RTCB: variants seen among roughly 807,000 people sequenced by gnomAD.
The protein encoded by RTCB is RNA-splicing ligase RTCB.
In RTCB, 32 loss-of-function variants were observed where a neutral mutation model predicts 58.2. That is an observed-to-expected ratio of 0.55 (90% CI 0.41 to 0.74). RTCB has a LOEUF of 0.74. RTCB is among the 30% of genes least tolerant of loss of function. RTCB has a pLI of 0.00. For synonymous variants in RTCB, 247 were observed against 218.6 expected, an observed-to-expected ratio of 1.13 and a Z score of -1.15; for missense variants, 523 against 639.0, an observed-to-expected ratio of 0.82 and a Z score of 1.96.
chr22:32,393,517 G>C (rs887176934), intron 10 of RTCB, among the ~76,000 whole-genome samples: 1 of 152,150 alleles, frequency 6.6e-6, no homozygotes, highest in African/African-American at 2.4e-5. Flanking sequence ...CAATAGGAAG[G>C]GGCAAATTAA....
At chr22:32,394,838 C>G (rs1012446084) in intron 9 of RTCB, among the ~76,000 whole-genome samples, 188 bp downstream of exon 9, 1 of 152,120 alleles carries the variant, frequency 6.6e-6, no homozygotes. Context: ...TAGCACACGG[C>G]ACCACCGCAA....
chr22:32,388,687 GCCA>G (rs1378954065), intron 11 of RTCB, among the ~76,000 whole-genome samples: 3 of 152,094 alleles, frequency 2.0e-5, no homozygotes, highest in Non-Finnish European at 4.4e-5. Flanking sequence ...ACACAGCCTT[GCCA>G]CCATTAGCAC....
In RTCB at chr22:32,412,239, T is replaced by C; in HGVS notation, c.-83A>G. On this transcript the variant is annotated 5_prime_UTR_variant, in exon 1 of 12. Transcript: ENST00000216038. ...AGTCCGGCTTCTCAGAGCACCGCCT[T>C]CCAAGAACCAAAGCGCAGGCGCGAC... The C allele has an allele frequency of 8.3e-7, 1 of 1,209,580 alleles. No homozygotes were observed. The allele number at this position is 1,209,580 out of a possible 1,614,324, so 74.9% of individuals were successfully genotyped here.
At chr22:32,408,289 T>C (rs760430293) in intron 2 of RTCB, 47 bp from the exon 3 acceptor site, 1 of 1,458,316 alleles carries the variant, frequency 6.9e-7, no homozygotes, top group South Asian at 1.1e-5. Context: ...ACTTGATTTT[T>C]AGCATGAATT....
chr22:32,395,200 G>C lies in RTCB; in HGVS notation c.1005C>G (p.Val335=). The C allele has an allele frequency of 1.2e-6, 2 of 1,614,146 alleles. No individual in the cohort carries two copies. Among genetic ancestry groups the C allele is most frequent in the Non-Finnish European group, 1.7e-6 (2 of 1,179,978 alleles). ...CCAAGTCATCAGGGGTTGTGTTGAA[G>C]ACCTTGGCGAAAGCCTAGGAGAAAA... ...TFLTRQAFAK[V]FNTTPDDLDL... is the part of the protein sequence containing the mutation. Residue 335 remains valine, a synonymous_variant, in exon 9 of 12, where the codon GTC becomes GTG. Transcript: ENST00000216038.
In RTCB at chr22:32,395,022, G is replaced by A. The variant is rs558696437; in HGVS notation, c.1179+4C>T. ...CTTAAAACTACAAACGTAGAGCTACGTACTTGGTAATCAACAGCAATGAGG... is the reference window on the plus strand; with the variant it reads ...CTTAAAACTACAAACGTAGAGCTACATACTTGGTAATCAACAGCAATGAGG... On this transcript the variant is annotated splice_donor_region_variant and intron_variant, in intron 9 of 11. Coordinates refer to ENST00000216038, the MANE Select transcript of RTCB (RefSeq NM_014306.5). 4.3e-6 allele frequency: 7 copies of A among 1,611,284 alleles called. No individual in the cohort carries two copies. The highest frequency in any genetic ancestry group is 3.3e-5 in the South Asian group (3 of 90,858).
Position 32,387,744 on chromosome 22 carries a change from G to C in RTCB, c.*248C>G, listed in dbSNP as rs989786824. ...CTAACAGATTTTCCTAAAACTCTGT[G>C]GAACAACCAAGGAGAAGGCATATTC... On this transcript the variant is annotated 3_prime_UTR_variant, in exon 12 of 12. Transcript: ENST00000216038. The C allele has an allele frequency of 9.5e-6, 4 of 420,866 alleles. No individual in the cohort carries two copies. Among genetic ancestry groups the C allele is most frequent in the Non-Finnish European group, 1.7e-5 (4 of 229,938 alleles). The allele number at this position is 420,866 out of a possible 1,614,324, so 26.1% of individuals were successfully genotyped here. A position where few individuals can be genotyped will look rare whatever the true frequency, so the allele number is the denominator to read the frequency against.
chr22:32,406,909 G>A, intron 3 of RTCB, 148 bp from the exon 4 acceptor site: 1 of 552,260 alleles, frequency 1.8e-6, no homozygotes, highest in Non-Finnish European at 3.3e-6. Flanking sequence ...CTATATGCAT[G>A]GAAATAGTAA....
In RTCB at chr22:32,396,103, G is replaced by A. The variant is rs533452800; in HGVS notation, c.961C>T (p.Arg321Cys). 1.5e-5 allele frequency: 25 copies of A among 1,614,012 alleles called. No individual in the cohort carries two copies. Among genetic ancestry groups the A allele is most frequent in the Non-Finnish European group, 1.9e-5 (23 of 1,180,008 alleles). The change falls in exon 8 of 12, where the codon CGC (arginine) becomes TGC (cysteine). Residue 321 changes from arginine (R) to cysteine (C), a missense_variant. Physicochemically the swap from Arg to Cys is radical, Grantham distance 180 (BLOSUM62 -3). Around this residue, in one of 3 missense-constraint regions of RTCB, gnomAD observed 248 missense variants for 292.5 expected, o/e 0.85. Coordinates refer to ENST00000216038, the MANE Select transcript of RTCB (RefSeq NM_014306.5). ...CGGGTTAAGAAGGTCATGGAAGAGCGGTTGACCCAGGCATAGTTCCCAGCA... is the reference window on the plus strand; with the variant it reads ...CGGGTTAAGAAGGTCATGGAAGAGCAGTTGACCCAGGCATAGTTCCCAGCA... ...AAAGNYAWVN[R>C]SSMTFLTRQA...
Position 32,401,912 on chromosome 22 carries a change from T to TA in RTCB, c.341-10dup. ...GTCAAACCCGACACCACCTACAAAATAGAGAAAAGTTAGCAAAACCAGCTG... is the reference window on the plus strand; with the variant it reads ...GTCAAACCCGACACCACCTACAAAATAAGAGAAAAGTTAGCAAAACCAGCTG... On this transcript the variant is annotated splice_polypyrimidine_tract_variant and intron_variant, in intron 4 of 11. Coordinates refer to ENST00000216038, the MANE Select transcript of RTCB (RefSeq NM_014306.5). 2 of 1,612,280 alleles carry TA rather than the reference T, an allele frequency of 1.2e-6. No individual in the cohort carries two copies. The highest frequency in any genetic ancestry group is 1.7e-6 in the Non-Finnish European group (2 of 1,178,546).
At chr22:32,390,157 T>C (rs1379526876) in intron 11 of RTCB, among the ~76,000 whole-genome samples, 1 of 152,230 alleles carries the variant, frequency 6.6e-6, no homozygotes, top group East Asian at 1.9e-4. Context: ...CTGCTTTTTA[T>C]TTCATAGAAC....
chr22:32,403,074 C>T (rs1325279773), intron 4 of RTCB, among the ~76,000 whole-genome samples: 1 of 152,076 alleles, frequency 6.6e-6, no homozygotes, highest in Non-Finnish European at 1.5e-5. Context: ...ATTTTCTCCT[C>T]AGCTTGAGAG....
intron 1 of RTCB, among the ~76,000 whole-genome samples, chr22:32,409,064 T>C (rs1427543573): frequency 6.6e-6 from 1 of 152,228 alleles, no homozygotes; most frequent in Non-Finnish European, 1.5e-5. Flanking sequence ...TTTATTCTCA[T>C]ACCCTCAAAA....
intron 1 of RTCB, among the ~76,000 whole-genome samples, chr22:32,409,199 A>AT (rs1035139010): frequency 1.2e-5 from 1 of 80,542 alleles, no homozygotes; most frequent in Non-Finnish European, 2.5e-5. Flanking sequence ...TTTTTTGAAA[A>AT]TTAAAAAAAA....
chr22:32,390,412 T>A (rs1255217019), intron 11 of RTCB, among the ~76,000 whole-genome samples: 1 of 152,152 alleles, frequency 6.6e-6, no homozygotes. Flanking sequence ...GCTGATTGAA[T>A]TCTAAATGTT....
Position 32,399,552 on chromosome 22 carries a change from A to C in RTCB, c.654+51T>G, listed in dbSNP as rs764186747. The stretch of plus-strand genomic sequence containing the variant: ...GATATAGATTTTTTTCCCCCAATAA[A>C]AACAAAATATGAAAAAAAAATTAAC... On this transcript the variant is annotated intron_variant, in intron 6 of 11. Coordinates refer to ENST00000216038, the MANE Select transcript of RTCB (RefSeq NM_014306.5). 7 of 1,529,270 alleles carry C rather than the reference A, an allele frequency of 4.6e-6. No individual in the cohort carries two copies. The East Asian group carries it at 1.4e-4, about 30-fold the overall frequency. The allele number at this position is 1,529,270 out of a possible 1,614,324, so 94.7% of individuals were successfully genotyped here. A position where few individuals can be genotyped will look rare whatever the true frequency, so the allele number is the denominator to read the frequency against.
rs1368182851 is a variant in RTCB, at chr22:32,396,176, A to C, written c.888T>G (p.Ala296=). The change falls in exon 8 of 12, where the codon GCT becomes GCG. Residue 296 remains alanine (A), a synonymous_variant. Coordinates refer to ENST00000216038, the MANE Select transcript of RTCB (RefSeq NM_014306.5). Reference sequence around the variant, plus strand: ...CTTGACCCTCTGGGGAAGCGATTCGAGCACAAGCCAACTGCCGATCATTGA... The same window carrying C: ...CTTGACCCTCTGGGGAAGCGATTCGCGCACAAGCCAACTGCCGATCATTGA... ...IIVNDRQLAC[A]RIASPEGQDY... 6.2e-7 allele frequency: 1 copy of C among 1,614,208 alleles called. No homozygotes were observed. Among genetic ancestry groups the C allele is most frequent in the Non-Finnish European group, 8.5e-7 (1 of 1,180,036 alleles).
chr22:32,397,759 T>G (rs1193749923), intron 7 of RTCB, among the ~76,000 whole-genome samples, 182 bp downstream of exon 7: 1 of 152,272 alleles, frequency 6.6e-6, no homozygotes. Flanking sequence ...TAATTCTATA[T>G]GAAATAACTA....
chr22:32,395,272 T>G, intron 8 of RTCB, 58 bp from the exon 9 acceptor site: 10 of 1,451,606 alleles, frequency 6.9e-6, no homozygotes, highest in Non-Finnish European at 9.5e-6. Flanking sequence ...TGTTCAGCTC[T>G]TCGTGACTCA....
Sources: gnomAD v4.1 joint callset for allele counts (sites outside exome capture counted in the v4.1 genomes callset) on GRCh38, gnomAD v4.1.1 for gene constraint, gnomAD v4.1.1 regional missense constraint, MANE v1.5 for transcripts, NCBI Gene and HGNC (gene_info 2026-07-23, HGNC 2026-07-21) for gene names.